The following CDHR5 variants were observed in gnomAD, a reference collection of about 807,000 sequenced individuals.
CDHR5 encodes the protein cadherin related family member 5, also known as cadherin-related family member 5.
CDHR5 carries 82 observed loss-of-function variants against 69.5 expected under a neutral mutation model. The ratio of observed to expected loss-of-function variants is 1.18; its 90% CI spans 0.99 to 1.42. CDHR5 has a LOEUF of 1.42. Among genes scored for constraint, CDHR5 ranks in the 40% most tolerant of loss-of-function variants. CDHR5 has a pLI of 0.00. For missense variants in CDHR5, 1,293 were observed against 1,168.9 expected (o/e 1.11, Z -1.55); for synonymous variants, 601 against 510.2 (o/e 1.18, Z -2.40).
In CDHR5 at chr11:619,583, AG is replaced by A; in HGVS notation, c.1183del (p.Leu395SerfsTer23). 1 of 1,613,388 alleles carries A rather than the reference AG, an allele frequency of 6.2e-7. No individual in the cohort carries two copies. The highest frequency in any genetic ancestry group is 8.5e-7 in the Non-Finnish European group (1 of 1,179,426). Reference protein sequence around the residue: ...IQAQDPEFSDLNSAITYRITN... With the variant: ...IQAQDPEFSDXNSAITYRITN... ...AATTCGATATGTGATGGCCGAGTTG[AG>A]GTCCTGGACAGGGTCTCATTGAGTC... On this transcript the variant is annotated frameshift_variant, in exon 11 of 15. Coordinates refer to ENST00000397542, the MANE Select transcript of CDHR5 (RefSeq NM_021924.5). LOFTEE classifies it high-confidence loss of function.
chr11:619,973 CG>C, intron 9 of CDHR5, 92 bp from the exon 10 acceptor site: 1 of 1,402,430 alleles, frequency 7.1e-7, no homozygotes, highest in Non-Finnish European at 9.6e-7. Context: ...GCAGACTTGG[CG>C]GGGGCCCTGC....
In CDHR5 at chr11:621,673, G is replaced by A; in HGVS notation, c.406-10C>T. ...AGTTCACTTTCGTGTCCTGGGGAGG[G>A]AGAGGGGCTTGGTCCGGCCACACTC... On this transcript the variant is annotated splice_polypyrimidine_tract_variant and intron_variant, in intron 4 of 14. Transcript: ENST00000397542. This position sits in a 1 kb window ranked among gnomAD's most constrained non-coding sequence, Gnocchi z 4.4. 1.9e-6 allele frequency: 3 copies of A among 1,604,832 alleles called. No individual in the cohort carries two copies. Among genetic ancestry groups the A allele is most frequent in the Non-Finnish European group, 2.6e-6 (3 of 1,171,876 alleles).
chr11:624,748 G>A lies in CDHR5; in HGVS notation c.86-16C>T, dbSNP rs190513197. 2.5e-5 allele frequency: 40 copies of A among 1,603,840 alleles called. No homozygotes were observed. Among genetic ancestry groups the A allele is most frequent in the Non-Finnish European group, 2.6e-6 (3 of 1,173,344 alleles). ...ACAGAGCAGTCTGTAAGGTTGCAGAGGAGGGATCAGTGCCTCCCAGCCCCT... is the reference window on the plus strand; with the variant it reads ...ACAGAGCAGTCTGTAAGGTTGCAGAAGAGGGATCAGTGCCTCCCAGCCCCT... On this transcript the variant is annotated splice_polypyrimidine_tract_variant and intron_variant, in intron 1 of 14. Coordinates refer to ENST00000397542, the MANE Select transcript of CDHR5 (RefSeq NM_021924.5). The surrounding 1 kb of genome is among the most constrained non-coding windows in gnomAD (Gnocchi z 5.3).
rs1282673236 is a variant in CDHR5, at chr11:620,401, G to A, written c.790-15C>T. On this transcript the variant is annotated splice_polypyrimidine_tract_variant and intron_variant, in intron 7 of 14. Transcript: ENST00000397542. ...AGGGGAGATGGCTTCAGGGATGGCG[G>A]AAGGGAGGGCACGTCGTGGGGCTGG... 2.5e-6 allele frequency: 4 copies of A among 1,572,622 alleles called. No individual in the cohort carries two copies. The highest frequency in any genetic ancestry group is 2.6e-6 in the Non-Finnish European group (3 of 1,150,384).
Position 619,160 on chromosome 11 carries a change from C to T in CDHR5, c.1399G>A (p.Ala467Thr), listed in dbSNP as rs576935660. Residue 467 changes from alanine to threonine, a missense_variant, in exon 13 of 15, where the codon GCT becomes ACT. Coordinates refer to ENST00000397542, the MANE Select transcript of CDHR5 (RefSeq NM_021924.5). Reference protein sequence around the residue: ...PSTDVPPSPEAGGTTGPWTST... With the variant: ...PSTDVPPSPETGGTTGPWTST... ...GTCCAGGGCCCAGTTGTTCCTCCAG[C>T]CTCTGGGGATGGGGGGACATCTGGG... 1.2e-5 allele frequency: 18 copies of T among 1,554,528 alleles called. No individual in the cohort carries two copies. In the African/African-American group the frequency reaches 2.3e-4, roughly 20 times the overall value.
Position 624,260 on chromosome 11 carries a change from T to C in CDHR5, c.265A>G (p.Lys89Glu). ...AGCAGCTGAGCCTCAAGCAGTGACT[T>C]CTCCTGTGGATGTAGACAGGTCTGC... ...FLNVTPDYEE[K>E]SLLEAQLLCQ... The change falls in exon 3 of 15, where the codon AAG (lysine) becomes GAG (glutamate). Residue 89 changes from lysine to glutamate, a missense_variant. Physicochemically the swap from Lys to Glu is moderately conservative, Grantham distance 56 (BLOSUM62 1). Coordinates refer to ENST00000397542, the MANE Select transcript of CDHR5 (RefSeq NM_021924.5). The surrounding 1 kb of genome is among the most constrained non-coding windows in gnomAD (Gnocchi z 5.3). The C allele has an allele frequency of 1.3e-6, 1 of 770,812 alleles. No homozygotes were observed. The highest frequency in any genetic ancestry group is 1.7e-5 in the Admixed American group (1 of 57,800). 47.7% of individuals were successfully genotyped at this position (770,812 alleles called of 1,614,324 possible).
chr11:617,721 T>A lies in CDHR5; in HGVS notation c.2168A>T (p.Lys723Met), dbSNP rs549263574. 2 of 1,461,080 alleles carry A rather than the reference T, an allele frequency of 1.4e-6. No individual in the cohort carries two copies. Among genetic ancestry groups the A allele is most frequent in the Admixed American group, 2.7e-5 (1 of 36,970 alleles). 90.5% of individuals were successfully genotyped at this position (1,461,080 alleles called of 1,614,324 possible). The part of the protein sequence containing the change: ...FDNQAFLPDH[K>M]ANWAPVPSPT... The stretch of plus-strand genomic sequence containing the variant: ...GCTGGGGACGGGCGCCCAGTTGGCC[T>A]TGTGGTCAGGGAGGAACGCCTGGTT... Residue 723 changes from lysine to methionine, a missense_variant, in exon 15 of 15, where the codon AAG (lysine) becomes ATG (methionine). Transcript: ENST00000397542.
chr11:620,316 A>AT lies in CDHR5; in HGVS notation c.859dup (p.Ile287AsnfsTer7). On this transcript the variant is annotated frameshift_variant, in exon 8 of 15. Coordinates refer to ENST00000397542, the MANE Select transcript of CDHR5 (RefSeq NM_021924.5). LOFTEE classifies it high-confidence loss of function. ...CTCACCCCTAAAGATGCTGTAGATGATGGGCTGGTTGATGCCGCGGTCTCC... is the reference window on the plus strand; with the variant it reads ...CTCACCCCTAAAGATGCTGTAGATGATTGGGCTGGTTGATGCCGCGGTCTCC... 1 of 1,612,496 alleles carries AT rather than the reference A, an allele frequency of 6.2e-7. No individual in the cohort carries two copies. The highest frequency in any genetic ancestry group is 8.5e-7 in the Non-Finnish European group (1 of 1,179,120).
In CDHR5 at chr11:617,156, G is replaced by A. The variant is rs528964211; in HGVS notation, c.*195C>T. ...TGGGGACAGCGTGGCCAGACCCACCGCCTCATCTGCACACCTGGGCTCAAG... is the reference window on the plus strand; with the variant it reads ...TGGGGACAGCGTGGCCAGACCCACCACCTCATCTGCACACCTGGGCTCAAG... On this transcript the variant is annotated 3_prime_UTR_variant, in exon 15 of 15. Coordinates refer to ENST00000397542, the MANE Select transcript of CDHR5 (RefSeq NM_021924.5). 3.7e-5 allele frequency: 22 copies of A among 592,146 alleles called. No individual in the cohort carries two copies. The highest frequency in any genetic ancestry group is 4.5e-4 in the Middle Eastern group (1 of 2,238). 36.7% of individuals were successfully genotyped at this position (592,146 alleles called of 1,614,324 possible). A position where few individuals can be genotyped will look rare whatever the true frequency, so the allele number is the denominator to read the frequency against.
chr11:617,405 C>T lies in CDHR5; in HGVS notation c.2484G>A (p.Ala828=), dbSNP rs759162239. The change falls in exon 15 of 15, where the codon GCG becomes GCA. Residue 828 remains alanine (A), a synonymous_variant. Coordinates refer to ENST00000397542, the MANE Select transcript of CDHR5 (RefSeq NM_021924.5). ...DSGSGDEGEG[A]GRGGGPYDAP... is the part of the protein sequence containing the mutation. ...CATCGTAGGGACCCCCACCCCTCCC[C>T]GCGCCCTCGCCCTCATCGCCGCTGC... 3.2e-5 allele frequency: 52 copies of T among 1,610,668 alleles called. No individual in the cohort carries two copies. The African/African-American group carries it at 4.8e-4, about 15-fold the overall frequency.
chr11:621,372 C>T lies in CDHR5; in HGVS notation c.591G>A (p.Pro197=), dbSNP rs776758494. 1.5e-5 allele frequency: 24 copies of T among 1,613,044 alleles called. No individual in the cohort carries two copies. Among genetic ancestry groups the T allele is most frequent in the East Asian group, 4.5e-5 (2 of 44,882 alleles). The part of the protein sequence containing the change: ...LDRPLDFYER[P]NMTFWLLVRD... ...GCACCAGCAGCCAGAAGGTCATGTT[C>T]GGCCGCTCGTAGAAGTCCAGGGGCC... The change falls in exon 6 of 15, where the codon CCG becomes CCA. Residue 197 remains proline (P), a synonymous_variant. Transcript: ENST00000397542. This position sits in a 1 kb window ranked among gnomAD's most constrained non-coding sequence, Gnocchi z 4.4.
chr11:616,969 G>GTAAAA lies in CDHR5; in HGVS notation c.*381_*382insTTTTA. ...GTAGGGTCGGGAGCGGGAGGTCTGA[G>GTAAAA]ATGAGCCGGGTGCCTGAGATCTCCG... On this transcript the variant is annotated 3_prime_UTR_variant, in exon 15 of 15. Transcript: ENST00000397542. The GTAAAA allele has an allele frequency of 4.0e-6, 1 of 251,008 alleles. No individual in the cohort carries two copies. Among genetic ancestry groups the GTAAAA allele is most frequent in the Non-Finnish European group, 7.8e-6 (1 of 128,988 alleles). 15.5% of individuals were successfully genotyped at this position (251,008 alleles called of 1,614,324 possible). A position where few individuals can be genotyped will look rare whatever the true frequency, so the allele number is the denominator to read the frequency against.
chr11:618,932 G>C lies in CDHR5; in HGVS notation c.1627C>G (p.Pro543Ala). ...ATPGGDTAQT[P>A]KPGTSQPMPP... ...ATCGGCTGAGAGGTTCCTGGCTTTG[G>C]GGTCTGTGCTGTGTCCCCACCGGGA... Residue 543 changes from proline (P) to alanine (A), a missense_variant, in exon 13 of 15, where the codon CCA (proline) becomes GCA (alanine). Transcript: ENST00000397542. The C allele has an allele frequency of 1.2e-6, 2 of 1,611,852 alleles. No homozygotes were observed. Among genetic ancestry groups the C allele is most frequent in the Non-Finnish European group, 1.7e-6 (2 of 1,178,590 alleles).
rs145164224 is a variant in CDHR5, at chr11:616,793, T to C, written c.*558A>G. The stretch of plus-strand genomic sequence containing the variant: ...CCCAGCGCGCCTCAGTCCAGGTCAC[T>C]GGGCAGGGTGTTTACTGCTGCGCTC... On this transcript the variant is annotated 3_prime_UTR_variant, in exon 15 of 15. Transcript: ENST00000397542. The C allele has an allele frequency of 2.5e-5, 4 of 158,724 alleles. No homozygotes were observed. The highest frequency in any genetic ancestry group is 9.6e-5 in the African/African-American group (4 of 41,550). 9.8% of individuals were successfully genotyped at this position (158,724 alleles called of 1,614,324 possible). A position where few individuals can be genotyped will look rare whatever the true frequency, so the allele number is the denominator to read the frequency against.
In CDHR5 at chr11:617,284, G is replaced by A. The variant is rs917581238; in HGVS notation, c.*67C>T. 2.4e-6 allele frequency: 3 copies of A among 1,276,416 alleles called. No homozygotes were observed. The highest frequency in any genetic ancestry group is 1.4e-5 in the South Asian group (1 of 73,332). 79.1% of individuals were successfully genotyped at this position (1,276,416 alleles called of 1,614,324 possible). On this transcript the variant is annotated 3_prime_UTR_variant, in exon 15 of 15. Transcript: ENST00000397542. ...CGGGAGCCTTGCTTTATTCTGCCTC[G>A]GGTCGGAGGCTGGGGGAGCGAGACC...
chr11:620,979 CCTGA>C, intron 7 of CDHR5, 97 bp downstream of exon 7: 1 of 792,074 alleles, frequency 1.3e-6, no homozygotes, highest in Non-Finnish European at 1.9e-6. Context: ...GGCCCCACCC[CCTGA>C]CCCCGACCCC....
rs753466360 is a variant in CDHR5, at chr11:617,403, C to T, written c.2486G>A (p.Gly829Glu). ...SGSGDEGEGA[G>E]RGGGPYDAPG... is the part of the protein sequence containing the mutation. ...CGCATCGTAGGGACCCCCACCCCTC[C>T]CCGCGCCCTCGCCCTCATCGCCGCT... The change falls in exon 15 of 15, where the codon GGG becomes GAG. Residue 829 changes from glycine (G) to glutamate (E), a missense_variant. Physicochemically the swap from Gly to Glu is moderately conservative, Grantham distance 98. Transcript: ENST00000397542. The T allele has an allele frequency of 1.4e-5, 22 of 1,610,562 alleles. 1 individual carries two copies. The South Asian group carries it at 2.3e-4, about 17-fold the overall frequency.
chr11:617,217 C>T lies in CDHR5; in HGVS notation c.*134G>A, dbSNP rs1161532999. Reference sequence around the variant, plus strand: ...GACAGGGGACTGAGTGAATGGGACCCCCATGGACCCGCGCGCCTGCCCCAC... The same window carrying T: ...GACAGGGGACTGAGTGAATGGGACCTCCATGGACCCGCGCGCCTGCCCCAC... On this transcript the variant is annotated 3_prime_UTR_variant, in exon 15 of 15. Transcript: ENST00000397542. The T allele has an allele frequency of 2.9e-6, 2 of 683,346 alleles. No individual in the cohort carries two copies. Among genetic ancestry groups the T allele is most frequent in the Non-Finnish European group, 5.0e-6 (2 of 397,222 alleles). The allele number at this position is 683,346 out of a possible 1,614,324, so 42.3% of individuals were successfully genotyped here. A position where few individuals can be genotyped will look rare whatever the true frequency, so the allele number is the denominator to read the frequency against.
rs554991911 is a variant in CDHR5 at position 619,358 on chromosome 11, G to A, written c.1326C>T (p.Thr442=). The change falls in exon 12 of 15, where the codon ACC becomes ACT. Residue 442 remains threonine (T), a synonymous_variant. Coordinates refer to ENST00000397542, the MANE Select transcript of CDHR5 (RefSeq NM_021924.5). ...CTTGTATCTCAATGACTGTGGTTGC[G>A]GTGCCAGAGGTCACCGTGTTGTGGG... ...VEAHNTVTSG[T]ATTVIEIQVS... 7.4e-5 allele frequency: 120 copies of A among 1,613,552 alleles called. No individual in the cohort carries two copies. In the South Asian group the frequency reaches 1.2e-3, roughly 17 times the overall value.
Sources: gnomAD v4.1 joint callset for allele counts on GRCh38, gnomAD v4.1.1 for gene constraint, Gnocchi (gnomAD v3.1) non-coding constraint, MANE v1.5 for transcripts, NCBI Gene and HGNC (gene_info 2026-07-23, HGNC 2026-07-21) for gene names.